Variants in ETV6 observed in about 807,000 individuals in gnomAD.
ETV6 encodes ETS variant transcription factor 6.
A neutral mutation model predicts 51.1 loss-of-function variants in ETV6; 16 were observed. The ratio of observed to expected loss-of-function variants is 0.31; its 90% CI spans 0.21 to 0.48. ETV6 has a LOEUF of 0.48. ETV6 is among the 20% of genes least tolerant of loss of function. ETV6 has a pLI of 0.99. For missense variants in ETV6, 458 were observed against 594.8 expected, an observed-to-expected ratio of 0.77 and a Z score of 2.39; for synonymous variants, 240 against 224.1, an observed-to-expected ratio of 1.07 and a Z score of -0.64.
rs1947370101 is a variant in ETV6 at position 11,894,931 on chromosome 12, C to CTAGT, written c.*3889_*3892dup. 5 of 233,486 alleles carry CTAGT rather than the reference C, an allele frequency of 2.1e-5. No individual in the cohort carries two copies. The Admixed American group carries it at 2.8e-4, about 13-fold the overall frequency. The allele number at this position is 233,486 out of a possible 1,614,324, so 14.5% of individuals were successfully genotyped here. A position where few individuals can be genotyped will look rare whatever the true frequency, so the allele number is the denominator to read the frequency against. ...GTTTTCTTTGCCCAAGCATTTGGTG[C>CTAGT]TAGTTAGAGGCTGTTCACTCTCTCC... On this transcript the variant is annotated 3_prime_UTR_variant, in exon 8 of 8. Coordinates refer to ENST00000396373, the MANE Select transcript of ETV6 (RefSeq NM_001987.5).
rs1193957247 is a variant in ETV6, at chr12:11,650,494, AACAAAAAAC to A, written c.33+336_33+344del. 2.2e-3 allele frequency among the ~76,000 whole-genome samples: 151 copies of A among 67,338 alleles called. 8 individuals carry two copies. Among genetic ancestry groups the A allele is most frequent in the African/African-American group, 5.9e-3 (109 of 18,586 alleles). 44.2% of individuals were successfully genotyped at this position (67,338 alleles called of 152,430 possible). ...AATTAGTGCGCTTAAAAAAAAAAAA[AACAAAAAAC>A]AAAAAAAAAAAACCTGCTCCCTATT... is the stretch of plus-strand genomic sequence containing the variant. On this transcript the variant is annotated intron_variant, in intron 1 of 7. Coordinates refer to ENST00000396373, the MANE Select transcript of ETV6 (RefSeq NM_001987.5).
At chr12:11,750,842 C>T (rs11054442) in intron 1 of ETV6, 2 of 450,898 alleles carry the variant, frequency 4.4e-6, no homozygotes, top group Admixed American at 2.5e-5. Context: ...AAACCAAACA[C>T]CAAAAAGTAT....
At chr12:11,804,766 C>T (rs1183146533) in intron 2 of ETV6, among the ~76,000 whole-genome samples, 2 of 152,162 alleles carry the variant, frequency 1.3e-5, no homozygotes, top group Non-Finnish European at 2.9e-5. Flanking sequence ...GGTATCTATT[C>T]AAAATGGCCA....
chr12:11,714,649 G>GA (rs10709538), intron 1 of ETV6, among the ~76,000 whole-genome samples: 3,700 of 86,918 alleles, frequency 0.043, 164 homozygotes, highest in African/African-American at 0.097. Context: ...ACCTTGAGGT[G>GA]AAAAAAAAAA....
At chr12:11,704,289 AAGG>A (rs1475406100) in intron 1 of ETV6, among the ~76,000 whole-genome samples, 2 of 152,176 alleles carry the variant, frequency 1.3e-5, no homozygotes, top group East Asian at 3.8e-4. Context: ...TACCAGAGAG[AAGG>A]AGAAGAAGGA....
At chr12:11,705,636 TAACAAAAGGGTAA>T (rs1350616389) in intron 1 of ETV6, among the ~76,000 whole-genome samples, 1 of 152,152 alleles carries the variant, frequency 6.6e-6, no homozygotes, top group Non-Finnish European at 1.5e-5. Context: ...ATTAACATAT[TAACAAAAGGGTAA>T]AACAAAATAC....
intron 1 of ETV6, among the ~76,000 whole-genome samples, chr12:11,701,807 C>T (rs1315435818): frequency 6.6e-6 from 1 of 152,036 alleles, no homozygotes; most frequent in Non-Finnish European, 1.5e-5. Flanking sequence ...TGCTCAGGAC[C>T]GTGAGGGAGA....
intron 2 of ETV6, among the ~76,000 whole-genome samples, chr12:11,762,235 C>G (rs1429105849): frequency 6.6e-6 from 1 of 152,222 alleles, no homozygotes; most frequent in Non-Finnish European, 1.5e-5. Context: ...GGCCTGCTCC[C>G]CTGTTCTCAT....
Position 11,649,909 on chromosome 12 carries a change from G to T in ETV6, c.-219G>T. ...CTGCAGACCCCGCCGCCGCGCTCGG[G>T]CCCGTCTCCCACGCCCCCGCCGCCC... On this transcript the variant is annotated 5_prime_UTR_variant, in exon 1 of 8. Transcript: ENST00000396373. 1 of 183,444 alleles carries T rather than the reference G, an allele frequency of 5.5e-6. No individual in the cohort carries two copies. The highest frequency in any genetic ancestry group is 1.1e-5 in the Non-Finnish European group (1 of 90,048). 11.4% of individuals were successfully genotyped at this position (183,444 alleles called of 1,614,324 possible).
Position 11,740,600 on chromosome 12 carries a change from T to C in ETV6, c.34-11850T>C, listed in dbSNP as rs1297271219. Among the ~76,000 whole-genome samples, 3 of 152,252 alleles carry C rather than the reference T, an allele frequency of 2.0e-5. No homozygotes were observed. In the East Asian group the frequency reaches 5.8e-4, roughly 29 times the overall value. ...TCACTGTTTAGAATTGCATTTTGTC[T>C]AAAGGAAGGATAGATAGAATACTAC... On this transcript the variant is annotated intron_variant, in intron 1 of 7. Coordinates refer to ENST00000396373, the MANE Select transcript of ETV6 (RefSeq NM_001987.5).
At position 11,891,954 on chromosome 12, in the gene ETV6, G is replaced by A. The variant is rs1341556915; in HGVS notation, c.*908G>A. ...ATGGCTGTGAGAACCATGTGTCTAA[G>A]GCGTAAGATAAGGATGGAAGGCTGT... On this transcript the variant is annotated 3_prime_UTR_variant, in exon 8 of 8. Transcript: ENST00000396373. 1 of 241,490 alleles carries A rather than the reference G, an allele frequency of 4.1e-6. No individual in the cohort carries two copies. Among genetic ancestry groups the A allele is most frequent in the East Asian group, 5.9e-5 (1 of 16,942 alleles). The allele number at this position is 241,490 out of a possible 1,614,324, so 15.0% of individuals were successfully genotyped here.
chr12:11,721,965 C>G (rs1427605705), intron 1 of ETV6, among the ~76,000 whole-genome samples: 1 of 152,190 alleles, frequency 6.6e-6, no homozygotes, highest in Non-Finnish European at 1.5e-5. Context: ...GTCCATCACC[C>G]TGGCATTTTT....
At chr12:11,717,730 C>T (rs539239548) in intron 1 of ETV6, among the ~76,000 whole-genome samples, 6 of 152,300 alleles carry the variant, frequency 3.9e-5, no homozygotes, top group East Asian at 1.9e-4. Context: ...CAAAATACAC[C>T]GTGGGACATT....
At chr12:11,874,515 TAC>T (rs779601186) in intron 5 of ETV6, among the ~76,000 whole-genome samples, 3,326 of 17,942 alleles carry the variant, frequency 0.19, 1,444 homozygotes, top group Middle Eastern at 0.82. Context: ...TGTGCGTGTG[TAC>T]ACACATATAT....
chr12:11,712,132 A>AC (rs1020468595), intron 1 of ETV6, among the ~76,000 whole-genome samples: 14 of 151,630 alleles, frequency 9.2e-5, no homozygotes, highest in Non-Finnish European at 1.2e-4. Context: ...TGCTCCCTTC[A>AC]CCCCCCCATC....
At chr12:11,693,697 C>T (rs1187962708) in intron 1 of ETV6, among the ~76,000 whole-genome samples, 1 of 152,216 alleles carries the variant, frequency 6.6e-6, no homozygotes, top group Non-Finnish European at 1.5e-5. Context: ...CTGCTACCCA[C>T]TTCTGGTGTC....
chr12:11,883,276 C>CTTTTTTTTTTTTTTTTTTT, intron 5 of ETV6, among the ~76,000 whole-genome samples: 1 of 79,118 alleles, frequency 1.3e-5, no homozygotes, highest in East Asian at 3.9e-4. Flanking sequence ...ATGTCTTCTT[C>CTTTTTTTTTTTTTTTTTTT]TTTTTTTTTT....
chr12:11,709,324 C>T (rs916725862), intron 1 of ETV6, among the ~76,000 whole-genome samples: 2 of 151,940 alleles, frequency 1.3e-5, no homozygotes, highest in African/African-American at 4.8e-5. Context: ...TTTTTGAAAG[C>T]GTTTGATCTT....
At chr12:11,828,276 T>C (rs1005624308) in intron 2 of ETV6, among the ~76,000 whole-genome samples, 1 of 152,206 alleles carries the variant, frequency 6.6e-6, no homozygotes, top group African/African-American at 2.4e-5. Flanking sequence ...TGACCCTAAC[T>C]ACTATGAAGA....
Sources: gnomAD v4.1 joint callset for allele counts (sites outside exome capture counted in the v4.1 genomes callset) on GRCh38, gnomAD v4.1.1 for gene constraint, MANE v1.5 for transcripts, NCBI Gene and HGNC (gene_info 2026-07-23, HGNC 2026-07-21) for gene names.